Variants in CTNNA2 observed in about 807,000 individuals in gnomAD.
CTNNA2 encodes catenin alpha 2.
In CTNNA2, 42 loss-of-function variants were observed where a neutral mutation model predicts 101.0. The ratio of observed to expected loss-of-function variants is 0.42; its 90% CI spans 0.32 to 0.54. CTNNA2 has a LOEUF of 0.54. Ranked by LOEUF, CTNNA2 falls within the 20% of genes least tolerant of loss-of-function variation. The pLI, the probability that CTNNA2 is intolerant of heterozygous loss-of-function variation, is 0.14. For missense variants in CTNNA2, 871 were observed against 1,223.1 expected, an observed-to-expected ratio of 0.71 and a Z score of 4.29; for synonymous variants, 450 against 456.4, an observed-to-expected ratio of 0.99 and a Z score of 0.18.
chr2:80,156,966 G>T (rs1704027887), intron 7 of CTNNA2, among the ~76,000 whole-genome samples: 2 of 152,180 alleles, frequency 1.3e-5, no homozygotes. Context: ...GGGAGAAGGA[G>T]AACTGGTACT....
At chr2:80,386,294 T>G (rs1676992083) in intron 7 of CTNNA2, among the ~76,000 whole-genome samples, 1 of 152,164 alleles carries the variant, frequency 6.6e-6, no homozygotes, top group Non-Finnish European at 1.5e-5. Context: ...ATTATAGATT[T>G]GCTTTGTGGC....
chr2:80,016,097 G>A (rs1694120044), intron 7 of CTNNA2, among the ~76,000 whole-genome samples: 2 of 152,216 alleles, frequency 1.3e-5, no homozygotes, highest in Non-Finnish European at 2.9e-5. Context: ...ATAAAAAGAG[G>A]CTTTATTGGT....
intron 7 of CTNNA2, among the ~76,000 whole-genome samples, chr2:80,025,115 T>C (rs1469556786): frequency 6.6e-6 from 1 of 152,200 alleles, no homozygotes; most frequent in Non-Finnish European, 1.5e-5. Flanking sequence ...TATTTTCTTC[T>C]CTTCTCCTCT....
At chr2:80,062,488 C>G (rs1697666320) in intron 7 of CTNNA2, among the ~76,000 whole-genome samples, 1 of 152,118 alleles carries the variant, frequency 6.6e-6, no homozygotes, top group African/African-American at 2.4e-5. Flanking sequence ...TTAACAGGTT[C>G]TATTGAGCTG....
At chr2:80,333,616 T>C (rs563069166) in intron 7 of CTNNA2, among the ~76,000 whole-genome samples, 70 of 152,062 alleles carry the variant, frequency 4.6e-4, no homozygotes, top group African/African-American at 1.6e-3. Context: ...AGCCACCACC[T>C]TTTTTTTCTT....
At chr2:79,215,018 T>C (rs182189061) in intron 2 of CTNNA2, among the ~76,000 whole-genome samples, 13,595 of 152,010 alleles carry the variant, frequency 0.089, 674 homozygotes, top group Middle Eastern at 0.18. Flanking sequence ...GAGAGTCACC[T>C]GAAGCTCGGC....
At chr2:80,629,158 C>T (rs1387832225) in intron 18 of CTNNA2, among the ~76,000 whole-genome samples, 1 of 151,942 alleles carries the variant, frequency 6.6e-6, no homozygotes, top group Admixed American at 6.6e-5. Flanking sequence ...ACTATATAGT[C>T]TTTTGGATAA....
intron 3 of CTNNA2, among the ~76,000 whole-genome samples, chr2:79,799,108 A>G (rs1036295000): frequency 1.4e-4 from 21 of 152,014 alleles, no homozygotes; most frequent in Non-Finnish European, 2.5e-4. Flanking sequence ...GCTCCTGCCT[A>G]TAGTTTTGGG....
In CTNNA2 at chr2:80,302,707, G is replaced by A; in HGVS notation, c.1057-90504G>A. On this transcript the variant is annotated intron_variant, in intron 7 of 18. Transcript: ENST00000402739. This position sits in a 1 kb window ranked among gnomAD's most constrained non-coding sequence, Gnocchi z 6.4. ...TGGTGACGGCCGAGAGCAGGTGGCC[G>A]CTGGTGGGCTCGGCCCCATCCTCGC... is the stretch of plus-strand genomic sequence containing the variant. 2 of 1,612,688 alleles carry A rather than the reference G, an allele frequency of 1.2e-6. No individual in the cohort carries two copies.
chr2:80,064,003 T>C (rs1345976709), intron 7 of CTNNA2, among the ~76,000 whole-genome samples: 1 of 152,162 alleles, frequency 6.6e-6, no homozygotes, highest in African/African-American at 2.4e-5. Flanking sequence ...GAGAAAGATG[T>C]TCAGATTATT....
chr2:80,430,847 T>C (rs1365215777), intron 9 of CTNNA2, among the ~76,000 whole-genome samples: 2 of 152,172 alleles, frequency 1.3e-5, no homozygotes, highest in Non-Finnish European at 2.9e-5. Context: ...CATGTATGTA[T>C]ATACATATAT....
chr2:80,099,991 G>A (rs1700441661), intron 7 of CTNNA2, among the ~76,000 whole-genome samples: 1 of 152,068 alleles, frequency 6.6e-6, no homozygotes, highest in Non-Finnish European at 1.5e-5. Context: ...GTGCCATGGT[G>A]CAATCTCAGC....
At chr2:80,600,621 A>T (rs1031345253) in intron 15 of CTNNA2, among the ~76,000 whole-genome samples, 4 of 152,206 alleles carry the variant, frequency 2.6e-5, no homozygotes, top group African/African-American at 9.6e-5. Context: ...CATAACAGAA[A>T]TGAAAATTAT....
intron 7 of CTNNA2, among the ~76,000 whole-genome samples, chr2:80,268,890 G>T (rs1673224997): frequency 6.6e-6 from 1 of 152,206 alleles, no homozygotes; most frequent in Non-Finnish European, 1.5e-5. Context: ...TGCTGGAAGT[G>T]CTGGGGGCTC....
At chr2:79,682,282 G>A (rs1418435420) in intron 2 of CTNNA2, among the ~76,000 whole-genome samples, 1 of 151,528 alleles carries the variant, frequency 6.6e-6, no homozygotes, top group East Asian at 1.9e-4. Context: ...GTGGTGGCGG[G>A]CGCCTGTAAT....
chr2:80,510,301 G>A (rs896836830), intron 9 of CTNNA2, among the ~76,000 whole-genome samples: 16 of 152,090 alleles, frequency 1.1e-4, no homozygotes, highest in Non-Finnish European at 1.5e-4. Context: ...ATTATCTCAT[G>A]AAGCTACTTC....
chr2:79,615,237 AC>A (rs142160877), intron 1 of CTNNA2, among the ~76,000 whole-genome samples: 5,206 of 152,074 alleles, frequency 0.034, 304 homozygotes, highest in African/African-American at 0.12. Flanking sequence ...TGATCTGAAA[AC>A]AAATTTGGTA....
chr2:79,190,113 T>G (rs898947259), intron 1 of CTNNA2, among the ~76,000 whole-genome samples: 2 of 152,170 alleles, frequency 1.3e-5, no homozygotes, highest in Non-Finnish European at 2.9e-5. Context: ...TCCATTGTGA[T>G]TCCTCCTCTG....
chr2:80,502,653 C>G (rs546713256), intron 9 of CTNNA2, among the ~76,000 whole-genome samples: 22 of 152,210 alleles, frequency 1.4e-4, no homozygotes, highest in Non-Finnish European at 3.1e-4. Context: ...GGTCAGCAGG[C>G]TGTCAGGCAG....
Sources: gnomAD v4.1 joint callset for allele counts (sites outside exome capture counted in the v4.1 genomes callset) on GRCh38, gnomAD v4.1.1 for gene constraint, Gnocchi (gnomAD v3.1) non-coding constraint, MANE v1.5 for transcripts, NCBI Gene and HGNC (gene_info 2026-07-23, HGNC 2026-07-21) for gene names.